The following PUDP variants were observed in gnomAD, a reference collection of about 807,000 sequenced individuals.
PUDP encodes pseudouridine-5'-phosphatase.
Under a neutral mutation model 9.4 loss-of-function variants are expected in PUDP, and 8 were observed. The ratio of observed to expected loss-of-function variants is 0.85; its 90% CI spans 0.50 to 1.53. PUDP has a LOEUF of 1.53. Ranked by LOEUF, PUDP falls within the 40% of genes most tolerant of loss-of-function variation. The pLI, the probability that PUDP is intolerant of heterozygous loss-of-function variation, is 0.00. For synonymous variants in PUDP, 99 were observed against 80.7 expected (o/e 1.23, Z -1.22); for missense variants, 188 against 189.7 (o/e 0.99, Z 0.05).
intron 3 of PUDP, among the ~76,000 whole-genome samples, chrX:6,756,583 T>C (rs752986702): frequency 8.9e-6 from 1 of 112,392 alleles, no homozygotes; most frequent in Non-Finnish European, 1.9e-5. Flanking sequence ...CATATTTCAA[T>C]ACAGTTGTCA....
At chrX:6,953,973 C>A (rs988601557) in intron 3 of PUDP, among the ~76,000 whole-genome samples, 6 of 110,404 alleles carry the variant, frequency 5.4e-5, no homozygotes, top group Non-Finnish European at 1.1e-4. Flanking sequence ...TGAGTCCTCA[C>A]GAGATCCGAT....
chrX:6,779,462 G>A (rs1035091088), intron 3 of PUDP, among the ~76,000 whole-genome samples: 1 of 111,868 alleles, frequency 8.9e-6, no homozygotes, highest in African/African-American at 3.3e-5. Context: ...GTCATTTTCT[G>A]TGCTTGCGTT....
rs1931712544 is a variant in PUDP, at chrX:7,100,947, T to C, written c.280+4673A>G. 3.6e-5 allele frequency among the ~76,000 whole-genome samples: 4 copies of C among 112,043 alleles called. No homozygotes were observed. The South Asian group carries it at 1.5e-3, about 42-fold the overall frequency. The stretch of plus-strand genomic sequence containing the variant: ...AGTATGATTTCTAATAATTTTGTCT[T>C]ATCCTACACCTAACTCGTTTCAGAA... On this transcript the variant is annotated intron_variant, in intron 2 of 3. Transcript: ENST00000381077.
chrX:6,965,423 A>G (rs1464678932), intron 3 of PUDP, among the ~76,000 whole-genome samples: 1 of 112,680 alleles, frequency 8.9e-6, no homozygotes, highest in Non-Finnish European at 1.9e-5. Flanking sequence ...AAAGAAAAGA[A>G]TAGATGGCTT....
intron 3 of PUDP, among the ~76,000 whole-genome samples, chrX:6,858,778 T>C (rs1044006006): frequency 8.9e-6 from 1 of 112,077 alleles, no homozygotes; most frequent in African/African-American, 3.2e-5. Context: ...ACAGTGTGGC[T>C]GGTGCCCATG....
intron 1 of PUDP, among the ~76,000 whole-genome samples, chrX:7,129,554 CTCTG>C (rs1286396342): frequency 4.5e-5 from 5 of 112,231 alleles, no homozygotes; most frequent in Admixed American, 3.8e-4. Context: ...TACAGCTCTT[CTCTG>C]TCTTTGAGCC....
intron 1 of PUDP, among the ~76,000 whole-genome samples, chrX:7,014,259 CAA>C (rs1295930609): frequency 9.1e-6 from 1 of 110,085 alleles, no homozygotes; most frequent in Non-Finnish European, 1.9e-5. Flanking sequence ...ACATGGCAGG[CAA>C]AAAGGCAACT....
At chrX:7,052,993 T>C (rs1243298875) in intron 3 of PUDP, among the ~76,000 whole-genome samples, 2 of 112,467 alleles carry the variant, frequency 1.8e-5, no homozygotes, top group African/African-American at 6.5e-5. Context: ...ATTTCTGCCC[T>C]TGCCTTTTTA....
At chrX:6,813,561 C>T (rs138335519) in intron 3 of PUDP, among the ~76,000 whole-genome samples, 29 of 111,622 alleles carry the variant, frequency 2.6e-4, no homozygotes, top group African/African-American at 8.8e-4. Context: ...CCTTTCCCCC[C>T]GTAGGGCGTA....
At chrX:6,798,619 G>A (rs776847003) in intron 3 of PUDP, among the ~76,000 whole-genome samples, 3 of 111,813 alleles carry the variant, frequency 2.7e-5, no homozygotes, top group Admixed American at 9.5e-5. Flanking sequence ...TCTGTCTCAT[G>A]GAGTATAAGA....
chrX:6,778,530 T>C (rs757530528), intron 3 of PUDP, among the ~76,000 whole-genome samples: 10 of 112,422 alleles, frequency 8.9e-5, no homozygotes, highest in Admixed American at 7.5e-4. Flanking sequence ...CATGGTGACT[T>C]GGGGCTCCCT....
chrX:6,762,648 AC>A (rs1370217391), intron 3 of PUDP, among the ~76,000 whole-genome samples: 1 of 112,448 alleles, frequency 8.9e-6, no homozygotes, highest in African/African-American at 3.2e-5. Flanking sequence ...GAAAATGAAT[AC>A]TTAAAATAGC....
chrX:6,818,402 C>T (rs766720538), intron 3 of PUDP, among the ~76,000 whole-genome samples: 2 of 112,367 alleles, frequency 1.8e-5, no homozygotes, highest in African/African-American at 6.5e-5. Context: ...CATGGATACA[C>T]CTGTCAGCCA....
chrX:6,725,544 A>G (rs942721613), upstream of PUDP, among the ~76,000 whole-genome samples: 9 of 111,702 alleles, frequency 8.1e-5, no homozygotes, highest in African/African-American at 2.9e-4. Flanking sequence ...TATATAACAC[A>G]TTTTCTTTCT....
At chrX:7,041,171 G>C (rs949562413) in intron 1 of PUDP, among the ~76,000 whole-genome samples, 2 of 111,838 alleles carry the variant, frequency 1.8e-5, no homozygotes, top group Non-Finnish European at 3.8e-5. Context: ...CTTATGCAGA[G>C]TGACAGGGGA....
upstream of PUDP, among the ~76,000 whole-genome samples, chrX:6,724,146 A>T (rs1924710909): frequency 9.0e-6 from 1 of 111,617 alleles, no homozygotes; most frequent in Non-Finnish European, 1.9e-5. Flanking sequence ...AAATAAAAGC[A>T]ACCTCACGTA....
chrX:6,981,850 T>C (rs917448743), intron 1 of PUDP, among the ~76,000 whole-genome samples: 2 of 110,763 alleles, frequency 1.8e-5, no homozygotes, highest in Non-Finnish European at 1.9e-5. Flanking sequence ...TATATTCATT[T>C]TACAAGAGTT....
At chrX:6,921,823 TTCTTCCTTC>T (rs1326390950) in intron 3 of PUDP, among the ~76,000 whole-genome samples, 1 of 111,369 alleles carries the variant, frequency 9.0e-6, no homozygotes, top group Admixed American at 9.6e-5. Flanking sequence ...TGAACTATTT[TTCTTCCTTC>T]TCTTCCTTCA....
At chrX:6,999,088 T>C (rs1929288647) in intron 1 of PUDP, among the ~76,000 whole-genome samples, 1 of 111,340 alleles carries the variant, frequency 9.0e-6, no homozygotes, top group African/African-American at 3.3e-5. Context: ...CAGGGAGTGA[T>C]AAGCGCCATG....
Sources: allele counts gnomAD v4.1 joint callset (sites outside exome capture counted in the v4.1 genomes callset), GRCh38; gene constraint gnomAD v4.1.1; transcripts MANE v1.5; gene names NCBI Gene and HGNC (gene_info 2026-07-23, HGNC 2026-07-21).